EPM2A: variants seen among roughly 807,000 people sequenced by gnomAD.
EPM2A encodes the protein EPM2A glucan phosphatase, laforin, also known as laforin.
EPM2A carries 21 observed loss-of-function variants against 26.5 expected under a neutral mutation model. That is an observed-to-expected ratio of 0.79 (90% CI 0.56 to 1.14). The LOEUF is 1.14. EPM2A is among the 50% of genes most tolerant of loss of function. The pLI is 0.00. For missense variants in EPM2A, 458 were observed against 440.8 expected (o/e 1.04, Z -0.35); for synonymous variants, 217 against 177.6 (o/e 1.22, Z -1.76).
At chr6:145,450,213 C>T (rs926067953) in intron 4 of EPM2A, among the ~76,000 whole-genome samples, 10 of 151,426 alleles carry the variant, frequency 6.6e-5, no homozygotes, top group Non-Finnish European at 1.0e-4. Context: ...ATTAGCTGGG[C>T]GTGGTGGCGG....
intron 2 of EPM2A, among the ~76,000 whole-genome samples, chr6:145,536,588 C>T (rs557502159): frequency 1.3e-5 from 2 of 151,372 alleles, no homozygotes; most frequent in Admixed American, 6.6e-5. Flanking sequence ...TGAGCCACTG[C>T]ACCTGGCCCC....
chr6:145,523,114 A>C (rs916497320), intron 2 of EPM2A, among the ~76,000 whole-genome samples: 2 of 152,132 alleles, frequency 1.3e-5, no homozygotes, highest in Admixed American at 6.5e-5. Context: ...TTCTCTCTGG[A>C]CTGTGAGTTC....
At chr6:145,650,909 A>G (rs1777838139) in intron 2 of EPM2A, among the ~76,000 whole-genome samples, 1 of 152,202 alleles carries the variant, frequency 6.6e-6, no homozygotes, top group Admixed American at 6.5e-5. Context: ...TACAATTTCT[A>G]CTTATGCTAA....
chr6:145,575,712 C>T lies in EPM2A; in HGVS notation c.340+59533G>A, dbSNP rs1221645595. Among the ~76,000 whole-genome samples the T allele has an allele frequency of 2.0e-5, 3 of 152,170 alleles. No homozygotes were observed. The East Asian group carries it at 5.8e-4, about 29-fold the overall frequency. On this transcript the variant is annotated intron_variant, in intron 2 of 3. Transcript: ENST00000450221. Reference sequence around the variant, plus strand: ...ACAGGAGTGTCAAATGCATTTATTTCACATAACTCTCTAAACAGTCACAAT... The same window carrying T: ...ACAGGAGTGTCAAATGCATTTATTTTACATAACTCTCTAAACAGTCACAAT...
At chr6:145,694,828 G>A (rs1409725692) in intron 1 of EPM2A, among the ~76,000 whole-genome samples, 1 of 151,952 alleles carries the variant, frequency 6.6e-6, no homozygotes, top group Non-Finnish European at 1.5e-5. Context: ...TTCACAAACA[G>A]ATTTCTAGAG....
intron 2 of EPM2A, among the ~76,000 whole-genome samples, chr6:145,576,903 T>C (rs1781039667): frequency 6.6e-6 from 1 of 151,824 alleles, no homozygotes; most frequent in Admixed American, 6.6e-5. Flanking sequence ...TAGAGTTTTT[T>C]TAGGTTTCTC....
At chr6:145,530,955 T>C (rs866084774) in intron 2 of EPM2A, among the ~76,000 whole-genome samples, 4 of 152,310 alleles carry the variant, frequency 2.6e-5, no homozygotes, top group Middle Eastern at 6.8e-3. Flanking sequence ...GTAAAAAGTA[T>C]ATAACTAAAT....
chr6:145,576,745 GTTAATAC>G (rs1781037437), intron 2 of EPM2A, among the ~76,000 whole-genome samples: 1 of 152,122 alleles, frequency 6.6e-6, no homozygotes, highest in Non-Finnish European at 1.5e-5. Context: ...GATAGAATAT[GTTAATAC>G]TTAAAACTTG....
chr6:145,523,908 G>A (rs1329362458), intron 2 of EPM2A, among the ~76,000 whole-genome samples: 1 of 128,844 alleles, frequency 7.8e-6, no homozygotes, highest in Non-Finnish European at 1.6e-5. Context: ...CACCCAATAG[G>A]TAGTTTTTCA....
intron 1 of EPM2A, among the ~76,000 whole-genome samples, chr6:145,694,194 T>C (rs1309415033): frequency 6.6e-6 from 1 of 152,028 alleles, no homozygotes; most frequent in Non-Finnish European, 1.5e-5. Context: ...ATTTCTAGCA[T>C]ATGAACATAA....
At chr6:145,730,496 T>A (rs1193990986) in intron 1 of EPM2A, among the ~76,000 whole-genome samples, 1 of 152,222 alleles carries the variant, frequency 6.6e-6, no homozygotes, top group African/African-American at 2.4e-5. Flanking sequence ...TTTAGGCATA[T>A]AGTCCTGAGC....
downstream of EPM2A, among the ~76,000 whole-genome samples, chr6:145,499,260 T>C (rs773036233): frequency 6.6e-6 from 1 of 152,188 alleles, no homozygotes; most frequent in Non-Finnish European, 1.5e-5. Context: ...ACTCCTTGCC[T>C]CCTCTTTCCC....
At chr6:145,397,451 G>A (rs9390317) in intron 4 of EPM2A, among the ~76,000 whole-genome samples, 57,008 of 151,832 alleles carry the variant, frequency 0.38, 10,943 homozygotes, top group South Asian at 0.45. Flanking sequence ...AATAAAAAAG[G>A]GGCAACAGAA....
chr6:145,600,988 G>A (rs1329687133), intron 2 of EPM2A, among the ~76,000 whole-genome samples: 1 of 152,238 alleles, frequency 6.6e-6, no homozygotes, highest in Non-Finnish European at 1.5e-5. Context: ...CCCAGGTTGG[G>A]GGGAGGCAGA....
At chr6:145,392,480 A>G (rs181452248) in intron 4 of EPM2A, among the ~76,000 whole-genome samples, 14 of 151,752 alleles carry the variant, frequency 9.2e-5, no homozygotes, top group Admixed American at 8.5e-4. Context: ...GCCATCTTTC[A>G]CCCTTTCTGA....
At chr6:145,606,590 G>C (rs1775264819) in intron 2 of EPM2A, among the ~76,000 whole-genome samples, 1 of 151,878 alleles carries the variant, frequency 6.6e-6, no homozygotes, top group Non-Finnish European at 1.5e-5. Context: ...TATTTTAAAT[G>C]TTCTTTTTCT....
chr6:145,657,146 G>A (rs1341415905), intron 2 of EPM2A, among the ~76,000 whole-genome samples: 2 of 145,352 alleles, frequency 1.4e-5, no homozygotes, highest in African/African-American at 5.1e-5. Flanking sequence ...CTGGAGTGCA[G>A]TGGCAGGACC....
At chr6:145,405,411 G>A (rs1432463647) in intron 4 of EPM2A, among the ~76,000 whole-genome samples, 1 of 151,988 alleles carries the variant, frequency 6.6e-6, no homozygotes, top group Non-Finnish European at 1.5e-5. Flanking sequence ...CCTAAGGCAA[G>A]ACTTTCTCTT....
intron 2 of EPM2A, among the ~76,000 whole-genome samples, chr6:145,508,985 GA>G (rs962522235): frequency 6.7e-6 from 1 of 149,930 alleles, no homozygotes; most frequent in Non-Finnish European, 1.5e-5. Context: ...CAAAGCAGAA[GA>G]AAAAAAAATC....
Sources: allele counts gnomAD v4.1 joint callset (sites outside exome capture counted in the v4.1 genomes callset), GRCh38; gene constraint gnomAD v4.1.1; transcripts MANE v1.5; gene names NCBI Gene and HGNC (gene_info 2026-07-23, HGNC 2026-07-21).